P4HA1: variants seen among roughly 807,000 people sequenced by gnomAD.
The protein encoded by P4HA1 is prolyl 4-hydroxylase subunit alpha-1.
In P4HA1, 24 loss-of-function variants were observed where a neutral mutation model predicts 72.8. That is an observed-to-expected ratio of 0.33 (90% CI 0.24 to 0.46). The LOEUF is 0.46. Ranked by LOEUF, P4HA1 falls within the 20% of genes least tolerant of loss-of-function variation. P4HA1 has a pLI of 1.00. For synonymous variants in P4HA1, 201 were observed against 218.8 expected (o/e 0.92, Z 0.72); for missense variants, 446 against 640.6 (o/e 0.70, Z 3.28).
intron 12 of P4HA1, among the ~76,000 whole-genome samples, chr10:73,013,732 T>G (rs1239080581): frequency 1.3e-5 from 2 of 152,168 alleles, no homozygotes; most frequent in Admixed American, 6.5e-5. Context: ...AACTCTGAGA[T>G]AGGGTTTCTG....
chr10:73,052,667 T>G (rs1321502229), intron 6 of P4HA1, among the ~76,000 whole-genome samples: 6 of 152,238 alleles, frequency 3.9e-5, no homozygotes, highest in Admixed American at 3.9e-4. Flanking sequence ...TTTGAGCTGT[T>G]TGATTCTAAC....
At chr10:73,068,091 T>A (rs1244086987) in intron 5 of P4HA1, among the ~76,000 whole-genome samples, 1 of 152,258 alleles carries the variant, frequency 6.6e-6, no homozygotes, top group East Asian at 1.9e-4. Flanking sequence ...AATGGAATTA[T>A]ATTCCAGCTT....
intron 9 of P4HA1, 77 bp downstream of exon 9, chr10:73,044,904 T>C: frequency 8.4e-7 from 1 of 1,196,690 alleles, no homozygotes; most frequent in Non-Finnish European, 1.2e-6. Context: ...TGACCCACTT[T>C]CCTTAAATGA....
intron 4 of P4HA1, among the ~76,000 whole-genome samples, chr10:73,070,700 T>G (rs967753924): frequency 5.3e-5 from 8 of 152,156 alleles, no homozygotes; most frequent in Admixed American, 1.3e-4. Flanking sequence ...GCAAGTTTTA[T>G]AAGTTTTATA....
intron 5 of P4HA1, among the ~76,000 whole-genome samples, chr10:73,054,261 T>C (rs535254133): frequency 6.6e-6 from 1 of 152,304 alleles, no homozygotes; most frequent in Admixed American, 6.5e-5. Context: ...AAGAGATGAA[T>C]GTACAGGAGG....
chr10:73,072,099 G>A lies in P4HA1; in HGVS notation c.255C>T (p.Phe85=), dbSNP rs1418656173. The change falls in exon 4 of 15, where the codon TTC becomes TTT. Residue 85 remains phenylalanine (F), a synonymous_variant. Coordinates refer to ENST00000394890, the MANE Select transcript of P4HA1 (RefSeq NM_001017962.3). ...CAGTATTCAGACGTTTCATTAATTT[G>A]AATGCATTTACTGGATGCCCAACAA... ...EGFVGHPVNA[F]KLMKRLNTEW... 6.2e-7 allele frequency: 1 copy of A among 1,612,832 alleles called. No homozygotes were observed. Among genetic ancestry groups the A allele is most frequent in the East Asian group, 2.2e-5 (1 of 44,838 alleles).
chr10:73,035,160 G>C (rs1840540063), intron 9 of P4HA1, among the ~76,000 whole-genome samples: 1 of 151,846 alleles, frequency 6.6e-6, no homozygotes, highest in Admixed American at 6.6e-5. Flanking sequence ...TTTTTGAGGA[G>C]CTGGCAGACT....
At chr10:73,024,692 G>A (rs1278637449) in intron 10 of P4HA1, among the ~76,000 whole-genome samples, 5 of 152,136 alleles carry the variant, frequency 3.3e-5, no homozygotes, top group African/African-American at 1.2e-4. Flanking sequence ...AAAAATCAAT[G>A]AATCCAGGAG....
chr10:73,077,483 T>C (rs1023326386), intron 1 of P4HA1, among the ~76,000 whole-genome samples: 2 of 152,210 alleles, frequency 1.3e-5, no homozygotes, highest in African/African-American at 4.8e-5. Context: ...TTTCTTCGAA[T>C]AGCTTGAAAA....
chr10:73,036,415 G>A lies in P4HA1; in HGVS notation c.1149-6045C>T, dbSNP rs1182433662. Among the ~76,000 whole-genome samples the A allele has an allele frequency of 4.7e-5, 7 of 149,182 alleles. No homozygotes were observed. The South Asian group carries it at 1.5e-3, about 31-fold the overall frequency. On this transcript the variant is annotated intron_variant, in intron 9 of 14. Transcript: ENST00000394890. ...ATATAGTAACACTCCCTTTTTTTTT[G>A]AGATGGAGTCTGGTTCTGTCACCCA...
intron 9 of P4HA1, among the ~76,000 whole-genome samples, chr10:73,042,282 A>G (rs960932403): frequency 6.6e-6 from 1 of 152,194 alleles, no homozygotes; most frequent in African/African-American, 2.4e-5. Flanking sequence ...TTTAAGGTTA[A>G]TATATAAAAG....
chr10:73,046,405 G>A (rs912789143), intron 8 of P4HA1, among the ~76,000 whole-genome samples: 2 of 152,122 alleles, frequency 1.3e-5, no homozygotes, highest in African/African-American at 4.8e-5. Flanking sequence ...TTGGGTTTAC[G>A]TTAGATTCTT....
chr10:73,058,773 G>GATTT (rs1841222524), intron 5 of P4HA1, among the ~76,000 whole-genome samples: 1 of 137,640 alleles, frequency 7.3e-6, no homozygotes, highest in African/African-American at 3.1e-5. Context: ...TTTATAGTAT[G>GATTT]CTTTTTTTTT....
At position 73,080,253 on chromosome 10, in the gene P4HA1, G is replaced by T. The variant is rs141851832; in HGVS notation, c.-32-5338C>A. ...ATACAACATTATTCCAAACTAACAT[G>T]CCTACCCAAGCTAGATAATAAAAAT... On this transcript the variant is annotated intron_variant, in intron 1 of 14. Coordinates refer to ENST00000394890, the MANE Select transcript of P4HA1 (RefSeq NM_001017962.3). Among the ~76,000 whole-genome samples the T allele has an allele frequency of 5.3e-4, 81 of 152,280 alleles. 1 individual carries two copies. Among genetic ancestry groups the T allele is most frequent in the African/African-American group, 1.7e-3 (70 of 41,546 alleles).
intron 10 of P4HA1, among the ~76,000 whole-genome samples, chr10:73,019,897 C>T (rs957288075): frequency 6.6e-6 from 1 of 151,612 alleles, no homozygotes; most frequent in Non-Finnish European, 1.5e-5. Flanking sequence ...ATAAAGAGAG[C>T]CTACAAGACT....
chr10:73,073,713 A>T lies in P4HA1; in HGVS notation c.173+18T>A, dbSNP rs111578731. ...TCCAGGTTGAGTCAGAGTCATAATAAGCAAACATTTTGCTTACTTTTTTAT... is the reference window on the plus strand; with the variant it reads ...TCCAGGTTGAGTCAGAGTCATAATATGCAAACATTTTGCTTACTTTTTTAT... On this transcript the variant is annotated intron_variant, in intron 3 of 14. Transcript: ENST00000394890. 2 of 1,110,104 alleles carry T rather than the reference A, an allele frequency of 1.8e-6. No homozygotes were observed. Among genetic ancestry groups the T allele is most frequent in the African/African-American group, 3.1e-5 (2 of 65,440 alleles). 68.8% of individuals were successfully genotyped at this position (1,110,104 alleles called of 1,614,324 possible).
chr10:73,009,061 C>T (rs752765311), intron 14 of P4HA1, among the ~76,000 whole-genome samples: 3 of 152,130 alleles, frequency 2.0e-5, no homozygotes, highest in African/African-American at 7.2e-5. Context: ...TCTAAACTCT[C>T]TCTCACCAAC....
At chr10:73,043,679 G>A (rs930057015) in intron 9 of P4HA1, among the ~76,000 whole-genome samples, 4 of 152,166 alleles carry the variant, frequency 2.6e-5, no homozygotes, top group Admixed American at 2.0e-4. Context: ...CAGACATTAT[G>A]TAAGTTAATG....
chr10:73,028,623 C>T (rs952780853), intron 10 of P4HA1, among the ~76,000 whole-genome samples: 3 of 151,840 alleles, frequency 2.0e-5, no homozygotes, highest in Non-Finnish European at 2.9e-5. Flanking sequence ...TTAGTAGAGA[C>T]GGGGTTTCTC....
Sources: allele counts gnomAD v4.1 joint callset (sites outside exome capture counted in the v4.1 genomes callset), GRCh38; gene constraint gnomAD v4.1.1; transcripts MANE v1.5; gene names NCBI Gene and HGNC (gene_info 2026-07-23, HGNC 2026-07-21).